Variants in USO1 observed in about 807,000 individuals in gnomAD.
USO1 encodes the protein USO1 vesicle transport factor.
In USO1, 57 loss-of-function variants were observed where a neutral mutation model predicts 124.5. The ratio of observed to expected loss-of-function variants is 0.46; its 90% CI spans 0.37 to 0.57. The LOEUF (loss-of-function observed/expected upper bound fraction) is 0.57. Among genes scored for constraint, USO1 ranks in the 20% least tolerant of loss-of-function variants. The pLI is 0.00. For synonymous variants in USO1, 369 were observed against 362.8 expected (o/e 1.02, Z -0.19); for missense variants, 900 against 1,040.6 (o/e 0.86, Z 1.86).
At chr4:75,811,895 G>A (rs1245221569) in intron 22 of USO1, among the ~76,000 whole-genome samples, 1 of 151,874 alleles carries the variant, frequency 6.6e-6, no homozygotes, top group Non-Finnish European at 1.5e-5. Flanking sequence ...TTTTTTTTAA[G>A]TCTCTTAAAG....
At chr4:75,751,883 G>A (rs999998209) in intron 1 of USO1, among the ~76,000 whole-genome samples, 6 of 151,898 alleles carry the variant, frequency 4.0e-5, no homozygotes, top group South Asian at 2.1e-4. Context: ...ATAATGAAGC[G>A]TTTCATCCTT....
chr4:75,778,795 TATTC>T (rs1234379889), intron 8 of USO1, among the ~76,000 whole-genome samples: 5 of 152,202 alleles, frequency 3.3e-5, no homozygotes, highest in Non-Finnish European at 7.3e-5. Context: ...AGTGTATTAG[TATTC>T]ATTTATGAAT....
At chr4:75,797,178 C>G (rs185892906) in intron 13 of USO1, among the ~76,000 whole-genome samples, 1 of 151,670 alleles carries the variant, frequency 6.6e-6, no homozygotes, top group African/African-American at 2.4e-5. Context: ...CCAATCCCCC[C>G]AAAAAAGACT....
intron 12 of USO1, 127 bp downstream of exon 12, chr4:75,790,924 C>A (rs978916357): frequency 1.0e-4 from 102 of 1,005,662 alleles, no homozygotes; most frequent in Admixed American, 3.7e-4. Flanking sequence ...AAAAAAAAAA[C>A]AAAAACACCT....
At chr4:75,759,498 G>A (rs533279082) in intron 4 of USO1, among the ~76,000 whole-genome samples, 1 of 151,810 alleles carries the variant, frequency 6.6e-6, no homozygotes, top group South Asian at 2.1e-4. Context: ...GGAAGCTGAG[G>A]CAGGAGAACT....
chr4:75,811,106 C>T (rs1473935168), intron 22 of USO1, among the ~76,000 whole-genome samples: 3 of 151,920 alleles, frequency 2.0e-5, no homozygotes, highest in Non-Finnish European at 2.9e-5. Flanking sequence ...TATGCATGTA[C>T]TATAAAAGTA....
At chr4:75,809,665 C>T (rs768918819) in intron 21 of USO1, among the ~76,000 whole-genome samples, 4 of 152,206 alleles carry the variant, frequency 2.6e-5, no homozygotes, top group Non-Finnish European at 5.9e-5. Flanking sequence ...GTAACATGTT[C>T]CTAGTTTTCA....
intron 4 of USO1, among the ~76,000 whole-genome samples, chr4:75,758,153 T>G (rs904978843): frequency 1.3e-5 from 2 of 152,196 alleles, no homozygotes; most frequent in South Asian, 4.1e-4. Flanking sequence ...TTATCTGTCT[T>G]ATTTATTGTC....
chr4:75,799,856 CT>C lies in USO1; in HGVS notation c.1563+129del, dbSNP rs746920029. ...CTCCACTATCTTATCTGTGTTGCAA[CT>C]TTTTAAACTGTTAAAGTTGTTATGA... On this transcript the variant is annotated intron_variant, in intron 14 of 23. Transcript: ENST00000514213. 367 of 1,123,400 alleles carry C rather than the reference CT, an allele frequency of 3.3e-4. 1 individual carries two copies. Among genetic ancestry groups the C allele is most frequent in the South Asian group, 6.6e-4 (41 of 61,970 alleles). The allele number at this position is 1,123,400 out of a possible 1,614,324, so 69.6% of individuals were successfully genotyped here.
chr4:75,775,068 A>G (rs966833251), intron 8 of USO1, among the ~76,000 whole-genome samples: 1 of 152,144 alleles, frequency 6.6e-6, no homozygotes, highest in Non-Finnish European at 1.5e-5. Context: ...TTCTGAAGCT[A>G]TAGATTATTA....
intron 1 of USO1, among the ~76,000 whole-genome samples, chr4:75,743,747 A>T (rs942177114): frequency 6.6e-6 from 1 of 152,150 alleles, no homozygotes; most frequent in Non-Finnish European, 1.5e-5. Context: ...AAATACAATA[A>T]AAATCAATTA....
Position 75,810,484 on chromosome 4 carries a change from C to T in USO1, c.2528C>T (p.Thr843Ile). 6 of 1,613,130 alleles carry T rather than the reference C, an allele frequency of 3.7e-6. 1 individual carries two copies. In the Middle Eastern group the frequency reaches 9.9e-4, roughly 266 times the overall value. The part of the protein sequence containing the change: ...GETETIIATK[T>I]TDVEGRLSAL... ...ACCGAGACTATAATAGCCACCAAAA[C>T]TACTGATGTAGAAGGAAGACTGTCA... The change falls in exon 22 of 24, where the codon ACT becomes ATT. Residue 843 changes from threonine to isoleucine, a missense_variant. This residue lies in a region of USO1 where 362 missense variants were observed against 359.0 expected (regional missense o/e 1.01). Coordinates refer to ENST00000514213, the MANE Select transcript of USO1 (RefSeq NM_003715.4).
chr4:75,790,749 A>G lies in USO1; in HGVS notation c.1192A>G (p.Lys398Glu), dbSNP rs759897314. The change falls in exon 12 of 24, where the codon AAA (lysine) becomes GAA (glutamate). Residue 398 changes from lysine to glutamate, a missense_variant. Lys to Glu is a moderately conservative substitution (Grantham distance 56). This residue lies in a region of USO1 where 538 missense variants were observed against 681.6 expected (regional missense o/e 0.79). Coordinates refer to ENST00000514213, the MANE Select transcript of USO1 (RefSeq NM_003715.4). ...CFQCFLYKNQKGQGEIVSTLL... is the reference protein window; with the variant it reads ...CFQCFLYKNQEGQGEIVSTLL... Reference sequence around the variant, plus strand: ...CCAGTGTTTCTTGTATAAAAACCAAAAAGGACAAGGAGAAATCGTGTCAAC... The same window carrying G: ...CCAGTGTTTCTTGTATAAAAACCAAGAAGGACAAGGAGAAATCGTGTCAAC... 2 of 1,613,420 alleles carry G rather than the reference A, an allele frequency of 1.2e-6. No homozygotes were observed. Among genetic ancestry groups the G allele is most frequent in the Non-Finnish European group, 1.7e-6 (2 of 1,179,596 alleles).
intron 3 of USO1, 124 bp from the exon 4 acceptor site, chr4:75,757,373 T>G: frequency 1.2e-6 from 1 of 839,912 alleles, no homozygotes; most frequent in Non-Finnish European, 1.6e-6. Context: ...GTTTGCACTC[T>G]GATATTTTCT....
At chr4:75,790,620 T>G in intron 11 of USO1, 23 bp from the exon 12 acceptor site, 1 of 1,588,686 alleles carries the variant, frequency 6.3e-7, no homozygotes, top group Non-Finnish European at 8.5e-7. Context: ...TTCATTTTGT[T>G]CTTTTCTTTT....
Position 75,784,380 on chromosome 4 carries a change from G to C in USO1, c.855+1522G>C, listed in dbSNP as rs2149176754. 2.0e-5 allele frequency among the ~76,000 whole-genome samples: 3 copies of C among 152,302 alleles called. No homozygotes were observed. In the South Asian group the frequency reaches 6.2e-4, roughly 32 times the overall value. On this transcript the variant is annotated intron_variant, in intron 9 of 23. Transcript: ENST00000514213. ...AAGTAATTTCCAAAATGTGATTAGA[G>C]AGGGTGAGAGAATCTGATGATATAA...
intron 9 of USO1, among the ~76,000 whole-genome samples, chr4:75,786,677 C>G (rs1323057815): frequency 6.6e-6 from 1 of 152,130 alleles, no homozygotes; most frequent in Non-Finnish European, 1.5e-5. Flanking sequence ...TCAGGTCATT[C>G]TGTTTTCAGA....
At chr4:75,730,640 A>G (rs569086874) in intron 1 of USO1, among the ~76,000 whole-genome samples, 56 of 152,190 alleles carry the variant, frequency 3.7e-4, no homozygotes, top group African/African-American at 1.3e-3. Context: ...GTTGATACCA[A>G]ATACTGTTCC....
chr4:75,779,745 G>C (rs1722167287), intron 8 of USO1, among the ~76,000 whole-genome samples: 1 of 152,212 alleles, frequency 6.6e-6, no homozygotes, highest in South Asian at 2.1e-4. Context: ...AAAGTACAAG[G>C]TGAAACAGCA....
Sources: allele counts gnomAD v4.1 joint callset (sites outside exome capture counted in the v4.1 genomes callset), GRCh38; gene constraint gnomAD v4.1.1; regional missense constraint gnomAD v4.1.1; transcripts MANE v1.5; gene names NCBI Gene and HGNC (gene_info 2026-07-23, HGNC 2026-07-21).